The following SLC25A48 variants were observed in gnomAD, a reference collection of about 807,000 sequenced individuals.
The protein encoded by SLC25A48 is solute carrier family 25 member 48, also known as CTC-321K16.1.
Under a neutral mutation model 32.2 loss-of-function variants are expected in SLC25A48, and 29 were observed. That is an observed-to-expected ratio of 0.90 (90% confidence interval 0.67 to 1.23). The LOEUF (loss-of-function observed/expected upper bound fraction) is 1.23. Among genes scored for constraint, SLC25A48 ranks in the 50% most tolerant of loss-of-function variants. SLC25A48 has a pLI of 0.00. For missense variants in SLC25A48, 399 were observed against 422.7 expected (o/e 0.94, Z 0.49); for synonymous variants, 164 against 172.3 (o/e 0.95, Z 0.38).
intron 1 of SLC25A48, among the ~76,000 whole-genome samples, chr5:135,835,447 G>T (rs1365609427): frequency 6.6e-6 from 1 of 152,076 alleles, no homozygotes; most frequent in Non-Finnish European, 1.5e-5. Context: ...GCCTTCAGCC[G>T]CCGCCAACCG....
intron 1 of SLC25A48, among the ~76,000 whole-genome samples, chr5:135,841,134 A>G (rs1758956102): frequency 6.6e-6 from 1 of 152,052 alleles, no homozygotes. Context: ...GACGTATCTC[A>G]TTGTGGTTTC....
chr5:135,879,870 C>G (rs1252450507), intron 6 of SLC25A48, 98 bp from the exon 7 acceptor site: 54 of 1,470,056 alleles, frequency 3.7e-5, no homozygotes, highest in Non-Finnish European at 4.9e-5. Context: ...GGGACCGGGC[C>G]TGGGTAGGCA....
chr5:135,871,806 G>C (rs755656441), intron 5 of SLC25A48, 88 bp downstream of exon 5: 5 of 1,578,122 alleles, frequency 3.2e-6, no homozygotes, highest in Non-Finnish European at 4.3e-6. Context: ...CTCAGCCCAG[G>C]GGGAGGGCAG....
intron 4 of SLC25A48, among the ~76,000 whole-genome samples, chr5:135,821,408 C>T (rs1454447337): frequency 2.6e-5 from 4 of 152,178 alleles, no homozygotes; most frequent in East Asian, 1.9e-4. Flanking sequence ...CCACCCTGAG[C>T]GGACTGAGGC....
intron 4 of SLC25A48, among the ~76,000 whole-genome samples, chr5:135,815,218 G>T (rs886242575): frequency 1.3e-5 from 2 of 152,118 alleles, no homozygotes; most frequent in Non-Finnish European, 2.9e-5. Context: ...GAGGGGGAAG[G>T]CATGGTTGTG....
chr5:135,833,101 G>A (rs987546825), upstream of SLC25A48, among the ~76,000 whole-genome samples: 11 of 152,230 alleles, frequency 7.2e-5, no homozygotes, highest in Non-Finnish European at 1.5e-4. Context: ...CATGGTTGCT[G>A]GTAAACCTAG....
intron 3 of SLC25A48, 148 bp from the exon 4 acceptor site, chr5:135,852,414 AC>A (rs1167212245): frequency 1.1e-5 from 11 of 958,610 alleles, no homozygotes; most frequent in Admixed American, 5.2e-5. Flanking sequence ...GTGGTTCCCC[AC>A]CCCCTACCTC....
chr5:135,870,118 A>G (rs1042061617), intron 4 of SLC25A48, among the ~76,000 whole-genome samples: 6 of 152,206 alleles, frequency 3.9e-5, no homozygotes, highest in Non-Finnish European at 7.3e-5. Flanking sequence ...GGGGACTTGG[A>G]CATTGACCTA....
intron 3 of SLC25A48, among the ~76,000 whole-genome samples, chr5:135,807,159 A>G (rs902217661): frequency 6.6e-6 from 1 of 150,908 alleles, no homozygotes; most frequent in African/African-American, 2.4e-5. Flanking sequence ...GTGTGTTTAC[A>G]TCAGATATTT....
At chr5:135,723,466 A>C (rs1259337851) in intron 3 of SLC25A48, among the ~76,000 whole-genome samples, 1 of 150,550 alleles carries the variant, frequency 6.6e-6, no homozygotes, top group East Asian at 1.9e-4. Flanking sequence ...ATTCCCCTGC[A>C]ATCCCTTTTC....
chr5:135,608,454 A>G (rs959774718), intron 1 of SLC25A48, among the ~76,000 whole-genome samples: 1 of 152,190 alleles, frequency 6.6e-6, no homozygotes, highest in African/African-American at 2.4e-5. Context: ...TCTCTCCATG[A>G]GCAATGACTC....
intron 3 of SLC25A48, among the ~76,000 whole-genome samples, chr5:135,797,347 A>G (rs1757211027): frequency 6.6e-6 from 1 of 151,854 alleles, no homozygotes; most frequent in Non-Finnish European, 1.5e-5. Flanking sequence ...GGGTTTACAC[A>G]CCCACTGTGA....
intron 3 of SLC25A48, among the ~76,000 whole-genome samples, chr5:135,728,598 G>A (rs1755147969): frequency 6.6e-6 from 1 of 152,128 alleles, no homozygotes; most frequent in East Asian, 1.9e-4. Context: ...TCATAGACAA[G>A]CTGTGATAAA....
At chr5:135,886,303 C>T (rs995074570) in intron 7 of SLC25A48, among the ~76,000 whole-genome samples, 1 of 135,044 alleles carries the variant, frequency 7.4e-6, no homozygotes, top group African/African-American at 2.7e-5. Context: ...GCCACACCCC[C>T]TCCCCCCGCC....
At chr5:135,864,093 C>T (rs1360739689) in intron 4 of SLC25A48, among the ~76,000 whole-genome samples, 1 of 152,146 alleles carries the variant, frequency 6.6e-6, no homozygotes, top group African/African-American at 2.4e-5. Context: ...ATGACAAGAG[C>T]AGACAAGCTG....
intron 3 of SLC25A48, among the ~76,000 whole-genome samples, chr5:135,640,967 AT>A (rs1435673894): frequency 3.3e-5 from 5 of 152,224 alleles, no homozygotes; most frequent in Non-Finnish European, 5.9e-5. Context: ...CATCATTTCT[AT>A]TCAACATTTC....
At chr5:135,786,593 C>T (rs1379375673) in intron 3 of SLC25A48, among the ~76,000 whole-genome samples, 4 of 151,946 alleles carry the variant, frequency 2.6e-5, no homozygotes, top group African/African-American at 7.3e-5. Context: ...CTTCTAATGT[C>T]ACAGTGATTG....
chr5:135,656,229 A>G (rs1043785102), intron 3 of SLC25A48, among the ~76,000 whole-genome samples: 2 of 152,138 alleles, frequency 1.3e-5, no homozygotes, highest in South Asian at 2.1e-4. Context: ...ATCCCCCGCT[A>G]TCCTGGGTTG....
intron 3 of SLC25A48, among the ~76,000 whole-genome samples, chr5:135,773,445 G>T (rs746228899): frequency 6.6e-6 from 1 of 151,582 alleles, no homozygotes; most frequent in South Asian, 2.1e-4. Flanking sequence ...AACGCAGGGG[G>T]TGTACACCCT....
Sources: gnomAD v4.1 joint callset for allele counts (sites outside exome capture counted in the v4.1 genomes callset) on GRCh38, gnomAD v4.1.1 for gene constraint, MANE v1.5 for transcripts, NCBI Gene and HGNC (gene_info 2026-07-23, HGNC 2026-07-21) for gene names.